The following ABCA3 variants were observed in gnomAD, a reference collection of about 807,000 sequenced individuals.
ABCA3 encodes the protein phospholipid-transporting ATPase ABCA3.
A neutral mutation model predicts 172.8 loss-of-function variants in ABCA3; 88 were observed. The observed-to-expected ratio is 0.51, with a 90% CI of 0.43 to 0.61. The LOEUF is 0.61. Ranked by LOEUF, ABCA3 falls within the 20% of genes least tolerant of loss-of-function variation. The pLI, the probability that ABCA3 is intolerant of heterozygous loss-of-function variation, is 0.00. For synonymous variants in ABCA3, 1,066 were observed against 983.8 expected (o/e 1.08, Z -1.56); for missense variants, 2,164 against 2,301.0 (o/e 0.94, Z 1.22).
intron 1 of ABCA3, among the ~76,000 whole-genome samples, chr16:2,333,343 A>T (rs2093746392): frequency 6.6e-6 from 1 of 152,202 alleles, no homozygotes; most frequent in Admixed American, 6.5e-5. Flanking sequence ...GCCTTGATAA[A>T]GCCACAGGTG....
intron 1 of ABCA3, among the ~76,000 whole-genome samples, chr16:2,332,079 A>G (rs1487001403): frequency 6.6e-6 from 1 of 152,178 alleles, no homozygotes; most frequent in East Asian, 1.9e-4. Context: ...CATTTCTCAG[A>G]ACTCTCTTGA....
rs977043339 is a variant in ABCA3 at position 2,330,200 on chromosome 16, G to A, written c.-538-346C>T. On this transcript the variant is annotated intron_variant, in intron 1 of 32. Transcript: ENST00000301732. ...CCCAGCTACTCGGGAGGCTGAGGTGGGAGGATTGCTTGAACCCAGGAGGTG... is the reference window on the plus strand; with the variant it reads ...CCCAGCTACTCGGGAGGCTGAGGTGAGAGGATTGCTTGAACCCAGGAGGTG... 4.0e-5 allele frequency among the ~76,000 whole-genome samples: 6 copies of A among 151,386 alleles called. No homozygotes were observed. The East Asian group carries it at 1.2e-3, about 30-fold the overall frequency.
chr16:2,283,296 A>T lies in ABCA3; in HGVS notation c.3925T>A (p.Ser1309Thr). The T allele has an allele frequency of 6.2e-7, 1 of 1,613,128 alleles. No homozygotes were observed. The highest frequency in any genetic ancestry group is 1.3e-5 in the African/African-American group (1 of 74,994). Reference sequence around the variant, plus strand: ...TAGGCGCACCCTGAGGCGGCCATGGAGGCCACAAACCGGCCGACCCCCGGG... The same window carrying T: ...TAGGCGCACCCTGAGGCGGCCATGGTGGCCACAAACCGGCCGACCCCCGGG... The part of the protein sequence containing the change: ...SAPGVGRFVA[S>T]MAASGCAYLI... Residue 1309 changes from serine (S) to threonine (T), a missense_variant, in exon 26 of 33, where the codon TCC (serine) becomes ACC (threonine). By Grantham distance (58) the Ser-to-Thr change is moderately conservative. Transcript: ENST00000301732. The surrounding 1 kb of genome is among the most constrained non-coding windows in gnomAD (Gnocchi z 5.4).
At chr16:2,295,937 G>A (rs566627826) in intron 17 of ABCA3, among the ~76,000 whole-genome samples, 197 bp from the exon 18 acceptor site, 2 of 152,346 alleles carry the variant, frequency 1.3e-5, no homozygotes, top group African/African-American at 4.8e-5. Flanking sequence ...CGCTCCTGCT[G>A]GGAAGAGCTG....
chr16:2,316,086 G>A (rs143430565), intron 10 of ABCA3, among the ~76,000 whole-genome samples: 1,758 of 146,370 alleles, frequency 0.012, 36 homozygotes, highest in African/African-American at 0.04. Flanking sequence ...GGAGGCTGAG[G>A]TAGGAGGATC....
intron 26 of ABCA3, among the ~76,000 whole-genome samples, chr16:2,282,092 A>C (rs2093656125): frequency 6.6e-6 from 1 of 152,128 alleles, no homozygotes; most frequent in Non-Finnish European, 1.5e-5. Context: ...GGCTGGCCTG[A>C]AAGTAAGATT....
In ABCA3 at chr16:2,278,582, A is replaced by T. The variant is rs2093650306; in HGVS notation, c.4548-124T>A. The T allele has an allele frequency of 3.1e-6, 4 of 1,288,956 alleles. No individual in the cohort carries two copies. The highest frequency in any genetic ancestry group is 4.3e-6 in the Non-Finnish European group (4 of 923,504). 79.8% of individuals were successfully genotyped at this position (1,288,956 alleles called of 1,614,324 possible). A position where few individuals can be genotyped will look rare whatever the true frequency, so the allele number is the denominator to read the frequency against. On this transcript the variant is annotated intron_variant, in intron 29 of 32. Coordinates refer to ENST00000301732, the MANE Select transcript of ABCA3 (RefSeq NM_001089.3). The surrounding 1 kb of genome is among the most constrained non-coding windows in gnomAD (Gnocchi z 4.4). ...CAGCAATTGCAGAACAGCCCTAGTG[A>T]AGAGGAAGGAGCTGTGTGTGCACCT...
In ABCA3 at chr16:2,277,805, C is replaced by CG; in HGVS notation, c.4909+73dup. ...TTGGCGGGGCGAGGCACAGACGCTC[C>CG]GCACAGCAGATGGGAGAGGCCTAGG... On this transcript the variant is annotated intron_variant, in intron 31 of 32. Coordinates refer to ENST00000301732, the MANE Select transcript of ABCA3 (RefSeq NM_001089.3). The surrounding 1 kb of genome is among the most constrained non-coding windows in gnomAD (Gnocchi z 5.3). The CG allele has an allele frequency of 6.3e-7, 1 of 1,597,578 alleles. No homozygotes were observed. The highest frequency in any genetic ancestry group is 1.1e-5 in the South Asian group (1 of 89,646).
chr16:2,302,157 G>C (rs2141713391), intron 12 of ABCA3, among the ~76,000 whole-genome samples: 2 of 152,228 alleles, frequency 1.3e-5, no homozygotes, highest in South Asian at 4.1e-4. Flanking sequence ...ATAAATATGT[G>C]GGTAAATCTC....
intron 12 of ABCA3, among the ~76,000 whole-genome samples, chr16:2,301,595 A>T (rs1439995280): frequency 6.6e-6 from 1 of 152,108 alleles, no homozygotes; most frequent in Non-Finnish European, 1.5e-5. Flanking sequence ...CTGTAATCCC[A>T]GCTACTCAGG....
intron 7 of ABCA3, 125 bp from the exon 8 acceptor site, chr16:2,319,965 C>A (rs890177926): frequency 2.2e-5 from 29 of 1,300,146 alleles, no homozygotes; most frequent in Non-Finnish European, 2.9e-5. Context: ...CAGCTCAGGA[C>A]CCCCGTGGCC....
intron 1 of ABCA3, among the ~76,000 whole-genome samples, chr16:2,330,478 T>C (rs968008289): frequency 1.3e-5 from 2 of 148,504 alleles, no homozygotes; most frequent in African/African-American, 4.9e-5. Flanking sequence ...CACCACCACA[T>C]CCAGCTAACT....
At position 2,283,019 on chromosome 16, in the gene ABCA3, C is replaced by T. The variant is rs559631616; in HGVS notation, c.4035+167G>A. On this transcript the variant is annotated intron_variant, in intron 26 of 32. Transcript: ENST00000301732. The surrounding 1 kb of genome is among the most constrained non-coding windows in gnomAD (Gnocchi z 5.4). ...CTTGTGAGTGGCGAGGGCTGTGCCCCGCCCTGGCTGTAAGTGCCGGCTGGT... is the reference window on the plus strand; with the variant it reads ...CTTGTGAGTGGCGAGGGCTGTGCCCTGCCCTGGCTGTAAGTGCCGGCTGGT... Among the ~76,000 whole-genome samples the T allele has an allele frequency of 3.3e-5, 5 of 152,306 alleles. No homozygotes were observed. The highest frequency in any genetic ancestry group is 2.1e-4 in the South Asian group (1 of 4,826).
At chr16:2,319,930 G>C in intron 7 of ABCA3, 90 bp from the exon 8 acceptor site, 1 of 1,558,612 alleles carries the variant, frequency 6.4e-7, no homozygotes, top group Non-Finnish European at 8.7e-7. Flanking sequence ...TGGGGGAAGA[G>C]ATGCTTGGGG....
At position 2,324,586 on chromosome 16, in the gene ABCA3, A is replaced by G. The variant is rs1848648191; in HGVS notation, c.320-55T>C. ...TGCCCAATCGGCCCTCCTGCTTGAAAAATCTGCGTGGTTCAGGTCACTGGC... is the reference window on the plus strand; with the variant it reads ...TGCCCAATCGGCCCTCCTGCTTGAAGAATCTGCGTGGTTCAGGTCACTGGC... On this transcript the variant is annotated intron_variant, in intron 5 of 32. Coordinates refer to ENST00000301732, the MANE Select transcript of ABCA3 (RefSeq NM_001089.3). 3 of 1,601,336 alleles carry G rather than the reference A, an allele frequency of 1.9e-6. No homozygotes were observed. In the South Asian group the frequency reaches 3.3e-5, roughly 18 times the overall value.
At chr16:2,298,860 G>A (rs1044577759) in intron 14 of ABCA3, among the ~76,000 whole-genome samples, 16 of 152,204 alleles carry the variant, frequency 1.1e-4, no homozygotes, top group African/African-American at 3.4e-4. Context: ...TGGTGCTTGG[G>A]GAAGACAGAG....
At chr16:2,300,504 A>T (rs1351201164) in intron 12 of ABCA3, among the ~76,000 whole-genome samples, 1 of 152,176 alleles carries the variant, frequency 6.6e-6, no homozygotes, top group Non-Finnish European at 1.5e-5. Flanking sequence ...AAATGGAAAG[A>T]AAGCTGTGTC....
Position 2,298,509 on chromosome 16 carries a change from G to C in ABCA3, c.1773C>G (p.Tyr591Ter). 6.2e-7 allele frequency: 1 copy of C among 1,613,944 alleles called. No individual in the cohort carries two copies. The highest frequency in any genetic ancestry group is 8.5e-7 in the Non-Finnish European group (1 of 1,180,032). ...CCTGGGAAATTTCATACCCGCTGAT[G>C]TATGCCCGTCCACTGGTGGGGGGAA... ...GLFPPTSGRAYISGYEISQDM... is the reference protein window; with the variant it reads ...GLFPPTSGRA Residue 591 changes from tyrosine to a stop codon, truncating the protein, a stop_gained, in exon 15 of 33, where the codon TAC (tyrosine) becomes TAG (stop). Coordinates refer to ENST00000301732, the MANE Select transcript of ABCA3 (RefSeq NM_001089.3). LOFTEE classifies it high-confidence loss of function.
At chr16:2,333,432 T>C (rs1468241891) in intron 1 of ABCA3, among the ~76,000 whole-genome samples, 3 of 152,212 alleles carry the variant, frequency 2.0e-5, no homozygotes, top group African/African-American at 7.2e-5. Context: ...TGGTCACATT[T>C]GGTGCTTTTC....
Sources: gnomAD v4.1 joint callset for allele counts (sites outside exome capture counted in the v4.1 genomes callset) on GRCh38, gnomAD v4.1.1 for gene constraint, Gnocchi (gnomAD v3.1) non-coding constraint, MANE v1.5 for transcripts, NCBI Gene and HGNC (gene_info 2026-07-23, HGNC 2026-07-21) for gene names.